Variants in AGTRAP observed in about 807,000 individuals in gnomAD.
AGTRAP encodes the protein type-1 angiotensin II receptor-associated protein.
AGTRAP carries 7 observed loss-of-function variants against 15.2 expected under a neutral mutation model. The ratio of observed to expected loss-of-function variants is 0.46; its 90% CI spans 0.26 to 0.87. The LOEUF (loss-of-function observed/expected upper bound fraction) is 0.87. Among genes scored for constraint, AGTRAP ranks in the 40% least tolerant of loss-of-function variants. The probability of loss-of-function intolerance (pLI) is 0.15; values close to 1 mark genes in which losing one functional copy is unlikely to be tolerated. For synonymous variants in AGTRAP, 74 were observed against 89.6 expected, an observed-to-expected ratio of 0.83 and a Z score of 0.98; for missense variants, 187 against 213.4, an observed-to-expected ratio of 0.88 and a Z score of 0.77.
chr1:11,747,162 C>A (rs564097957), intron 2 of AGTRAP, among the ~76,000 whole-genome samples: 6 of 152,234 alleles, frequency 3.9e-5, no homozygotes, highest in African/African-American at 1.4e-4. Flanking sequence ...ACTACGTTAC[C>A]GGTTGCTGTT....
Position 11,749,139 on chromosome 1 carries a change from C to T in AGTRAP, c.364+529C>T, listed in dbSNP as rs533348664. Among the ~76,000 whole-genome samples the T allele has an allele frequency of 2.0e-5, 3 of 152,364 alleles. No individual in the cohort carries two copies. The East Asian group carries it at 5.8e-4, about 29-fold the overall frequency. ...GGGCACTTTCCCTGCCCACCGGCCC[C>T]TCCCCACTCACCCAGCCTTACACCT... On this transcript the variant is annotated intron_variant, in intron 4 of 4. Transcript: ENST00000314340.
Position 11,736,234 on chromosome 1 carries a change from A to G in AGTRAP, c.26A>G (p.Lys9Arg), listed in dbSNP as rs757023878. The G allele has an allele frequency of 1.2e-6, 2 of 1,608,102 alleles. No homozygotes were observed. The highest frequency in any genetic ancestry group is 1.1e-5 in the South Asian group (1 of 89,612). ...ATGGAGCTGCCTGCTGTGAACCTGAAGGTGGCGACGGGCTGGGGGGAGGGT... is the reference window on the plus strand; with the variant it reads ...ATGGAGCTGCCTGCTGTGAACCTGAGGGTGGCGACGGGCTGGGGGGAGGGT... MELPAVNL[K>R]VILLGHWLLT... The change falls in exon 1 of 5, where the codon AAG (lysine) becomes AGG (arginine). Residue 9 changes from lysine to arginine, a missense_variant and splice_region_variant. Transcript: ENST00000314340.
At chr1:11,747,707 C>T (rs1642200325) in intron 3 of AGTRAP, among the ~76,000 whole-genome samples, 162 bp downstream of exon 3, 2 of 152,370 alleles carry the variant, frequency 1.3e-5, no homozygotes, top group South Asian at 4.1e-4. Flanking sequence ...GGCTCCGGCC[C>T]ATGCCTGTGT....
chr1:11,747,386 G>A (rs1642188151), intron 2 of AGTRAP, 54 bp from the exon 3 acceptor site: 3 of 1,514,762 alleles, frequency 2.0e-6, no homozygotes, highest in East Asian at 2.3e-5. Context: ...GCAGGAGGGA[G>A]GTGACCTGCG....
At position 11,736,249 on chromosome 1, in the gene AGTRAP, G is replaced by T. The variant is rs370532079; in HGVS notation, c.27+14G>T. On this transcript the variant is annotated intron_variant, in intron 1 of 4. Transcript: ENST00000314340. ...GTGAACCTGAAGGTGGCGACGGGCT[G>T]GGGGGAGGGTCCCCTTTGCGGGAGG... 6.9e-5 allele frequency: 111 copies of T among 1,605,228 alleles called. No individual in the cohort carries two copies. In the African/African-American group the frequency reaches 1.3e-3, roughly 19 times the overall value.
chr1:11,739,236 G>A (rs919904116), intron 1 of AGTRAP, among the ~76,000 whole-genome samples: 2 of 152,164 alleles, frequency 1.3e-5, no homozygotes, highest in Non-Finnish European at 2.9e-5. Context: ...GGTCCAGGAC[G>A]TAGTCTAGAA....
intron 1 of AGTRAP, among the ~76,000 whole-genome samples, chr1:11,742,977 C>A (rs186972392): frequency 6.6e-6 from 1 of 152,244 alleles, no homozygotes; most frequent in African/African-American, 2.4e-5. Flanking sequence ...CCAGCCTGAC[C>A]CCTCAATCCC....
At chr1:11,748,747 CTG>C (rs531816487) in intron 4 of AGTRAP, 137 bp downstream of exon 4, 1 of 1,019,944 alleles carries the variant, frequency 9.8e-7, no homozygotes, top group Non-Finnish European at 1.4e-6. Context: ...CATGGGCGCT[CTG>C]TACTAGGCTG....
At chr1:11,749,559 C>T (rs1018473064) in intron 4 of AGTRAP, among the ~76,000 whole-genome samples, 1 of 152,244 alleles carries the variant, frequency 6.6e-6, no homozygotes, top group African/African-American at 2.4e-5. Context: ...GTGGCGTACT[C>T]GGAGCCCTAC....
At chr1:11,738,854 C>T (rs1295839586) in intron 1 of AGTRAP, among the ~76,000 whole-genome samples, 1 of 152,216 alleles carries the variant, frequency 6.6e-6, no homozygotes, top group Non-Finnish European at 1.5e-5. Context: ...GCACGTGTAA[C>T]AGGCCACCAA....
Position 11,748,494 on chromosome 1 carries a change from A to G in AGTRAP, c.248A>G (p.Asp83Gly). ...SIFYPRVSLT[D>G]TGRFGVGMAI... is the part of the protein sequence containing the mutation. ...TTCTACCCGCGGGTCAGCCTCACGG[A>G]CACGGGCCGCTTTGGCGTGGGCATG... The change falls in exon 4 of 5, where the codon GAC becomes GGC. Residue 83 changes from aspartate (D) to glycine (G), a missense_variant. Coordinates refer to ENST00000314340, the MANE Select transcript of AGTRAP (RefSeq NM_020350.5). The G allele has an allele frequency of 6.2e-7, 1 of 1,613,488 alleles. No individual in the cohort carries two copies. Among genetic ancestry groups the G allele is most frequent in the Non-Finnish European group, 8.5e-7 (1 of 1,180,010 alleles).
intron 4 of AGTRAP, among the ~76,000 whole-genome samples, chr1:11,749,777 C>A (rs1361219223): frequency 6.6e-6 from 1 of 152,178 alleles, no homozygotes; most frequent in African/African-American, 2.4e-5. Flanking sequence ...AGGCGTGGGT[C>A]CCAGCATCAT....
chr1:11,738,235 C>T (rs189895518), intron 1 of AGTRAP, among the ~76,000 whole-genome samples: 51 of 152,250 alleles, frequency 3.3e-4, no homozygotes, highest in South Asian at 1.2e-3. Flanking sequence ...TTGTATATTC[C>T]TTGGGCAAGG....
intron 3 of AGTRAP, 40 bp from the exon 4 acceptor site, chr1:11,748,375 G>A: frequency 6.3e-7 from 1 of 1,588,122 alleles, no homozygotes. Flanking sequence ...CACGGAGCGT[G>A]GTGGGGGTGT....
rs139457681 is a variant in AGTRAP at position 11,747,569 on chromosome 1, G to A, written c.168+24G>A. Reference sequence around the variant, plus strand: ...TGGTGAGCCAGGGTGGGGGAGAGGCGGCAAGGCGGGGAGCCGCAGCACAGG... The same window carrying A: ...TGGTGAGCCAGGGTGGGGGAGAGGCAGCAAGGCGGGGAGCCGCAGCACAGG... On this transcript the variant is annotated intron_variant, in intron 3 of 4. Coordinates refer to ENST00000314340, the MANE Select transcript of AGTRAP (RefSeq NM_020350.5). 3.1e-3 allele frequency: 5,000 copies of A among 1,609,430 alleles called. 16 individuals are homozygous for A. Among genetic ancestry groups the A allele is most frequent in the Non-Finnish European group, 3.2e-3 (3,818 of 1,177,570 alleles).
In AGTRAP at chr1:11,750,352, C is replaced by T; in HGVS notation, c.*160C>T. The T allele has an allele frequency of 1.4e-6, 1 of 711,510 alleles. No homozygotes were observed. Among genetic ancestry groups the T allele is most frequent in the South Asian group, 1.5e-5 (1 of 66,462 alleles). 44.1% of individuals were successfully genotyped at this position (711,510 alleles called of 1,614,324 possible). ...AGGCCAGGAGCCCCCATGGGCCGCC[C>T]AGTACCATGCACACTCCTGTCCCGA... On this transcript the variant is annotated 3_prime_UTR_variant, in exon 5 of 5. Transcript: ENST00000314340.
Position 11,750,267 on chromosome 1 carries a change from C to T in AGTRAP, c.*75C>T. 1 of 1,225,974 alleles carries T rather than the reference C, an allele frequency of 8.2e-7. No individual in the cohort carries two copies. 75.9% of individuals were successfully genotyped at this position (1,225,974 alleles called of 1,614,324 possible). ...GAGGTCGTTCTAGGGATGCTCCTGACCTCCGTCTCTTGGACCTAAGATGGA... is the reference window on the plus strand; with the variant it reads ...GAGGTCGTTCTAGGGATGCTCCTGATCTCCGTCTCTTGGACCTAAGATGGA... On this transcript the variant is annotated 3_prime_UTR_variant, in exon 5 of 5. Transcript: ENST00000314340.
intron 1 of AGTRAP, among the ~76,000 whole-genome samples, chr1:11,743,025 C>G (rs1642070538): frequency 6.6e-6 from 1 of 152,208 alleles, no homozygotes; most frequent in Non-Finnish European, 1.5e-5. Context: ...ACCACCAGGC[C>G]CGTTGAAGCT....
intron 1 of AGTRAP, chr1:11,744,457 C>G (rs2100771594): frequency 1.4e-6 from 1 of 696,972 alleles, no homozygotes; most frequent in Admixed American, 2.1e-5. Flanking sequence ...TCAGGCCCCC[C>G]TACCTGTCCC....
Sources: gnomAD v4.1 joint callset for allele counts (sites outside exome capture counted in the v4.1 genomes callset) on GRCh38, gnomAD v4.1.1 for gene constraint, MANE v1.5 for transcripts, NCBI Gene and HGNC (gene_info 2026-07-23, HGNC 2026-07-21) for gene names.